The following LSAMP variants were observed in gnomAD, a reference collection of about 807,000 sequenced individuals.
LSAMP encodes the protein limbic system associated membrane protein.
In LSAMP, 7 loss-of-function variants were observed where a neutral mutation model predicts 38.6. The observed-to-expected ratio is 0.18, with a 90% CI of 0.10 to 0.34. The LOEUF (loss-of-function observed/expected upper bound fraction) is 0.34, where lower values mean the gene tolerates loss of function less well. LSAMP is among the 10% of genes least tolerant of loss of function. The pLI is 1.00. For missense variants in LSAMP, 313 were observed against 420.0 expected (o/e 0.75, Z 2.23); for synonymous variants, 154 against 166.8 (o/e 0.92, Z 0.59).
chr3:115,852,609 A>G lies in LSAMP; in HGVS notation c.523T>C (p.Phe175Leu). 1.2e-6 allele frequency: 2 copies of G among 1,611,080 alleles called. 1 individual carries two copies. Among genetic ancestry groups the G allele is most frequent in the South Asian group, 2.2e-5 (2 of 90,376 alleles). ...TCCAGATATTCTTCTTCTCCTTCAA[A>G]TTCCCTTCCTGAAAAACAGAGGTTT... Reference protein sequence around the residue: ...WRHLTPTGREFEGEEEYLEIL... With the variant: ...WRHLTPTGRELEGEEEYLEIL... Residue 175 changes from phenylalanine (F) to leucine (L), a missense_variant, in exon 4 of 7, where the codon TTT becomes CTT. Coordinates refer to ENST00000490035, the MANE Select transcript of LSAMP (RefSeq NM_002338.5).
intron 3 of LSAMP, among the ~76,000 whole-genome samples, chr3:115,988,298 G>C (rs1939571543): frequency 6.6e-6 from 1 of 152,060 alleles, no homozygotes; most frequent in African/African-American, 2.4e-5. Flanking sequence ...TTTTTACATA[G>C]TGTTTAATTT....
Position 116,224,004 on chromosome 3 carries a change from A to C in LSAMP, c.156-137448T>G, listed in dbSNP as rs188778670. ...TTTTCCCCTCAGTCTCTTTCTAATGAACTTTCTTAAAAAAAAAAACTTTCC... is the reference window on the plus strand; with the variant it reads ...TTTTCCCCTCAGTCTCTTTCTAATGCACTTTCTTAAAAAAAAAAACTTTCC... On this transcript the variant is annotated intron_variant, in intron 1 of 6. Transcript: ENST00000490035. Among the ~76,000 whole-genome samples the C allele has an allele frequency of 4.2e-3, 631 of 151,910 alleles. 5 individuals carry two copies. Among genetic ancestry groups the C allele is most frequent in the African/African-American group, 0.015 (603 of 41,274 alleles).
intron 3 of LSAMP, among the ~76,000 whole-genome samples, chr3:115,942,924 C>G (rs1412944801): frequency 6.6e-6 from 1 of 152,056 alleles, no homozygotes; most frequent in Non-Finnish European, 1.5e-5. Context: ...TTTATCAGAT[C>G]AATTTTATAA....
At position 116,011,580 on chromosome 3, in the gene LSAMP, T is replaced by A. The variant is rs532036336; in HGVS notation, c.514+7935A>T. 7.2e-5 allele frequency among the ~76,000 whole-genome samples: 11 copies of A among 151,770 alleles called. No individual in the cohort carries two copies. In the East Asian group the frequency reaches 1.9e-3, roughly 27 times the overall value. ...TAGGAAAATTAAGCAAAAAAAAAAA[T>A]TAACCTGACCATTTCCATACTTAGA... On this transcript the variant is annotated intron_variant, in intron 3 of 6. Transcript: ENST00000490035.
chr3:116,281,915 A>G (rs1387105611), intron 1 of LSAMP, among the ~76,000 whole-genome samples: 1 of 152,208 alleles, frequency 6.6e-6, no homozygotes, highest in East Asian at 1.9e-4. Context: ...GAAAACATCC[A>G]TCTTCACATT....
chr3:115,835,281 G>A (rs2107491477), intron 6 of LSAMP, among the ~76,000 whole-genome samples: 1 of 152,192 alleles, frequency 6.6e-6, no homozygotes, highest in African/African-American at 2.4e-5. Flanking sequence ...ACATCCTGTT[G>A]AGTATAATAA....
chr3:116,291,742 G>C (rs1040366684), intron 1 of LSAMP, among the ~76,000 whole-genome samples: 4 of 152,116 alleles, frequency 2.6e-5, no homozygotes, highest in African/African-American at 9.7e-5. Flanking sequence ...CATGGCTTTA[G>C]ATTGACTCTA....
chr3:116,249,601 G>T (rs1414433292), intron 1 of LSAMP, among the ~76,000 whole-genome samples: 1 of 151,672 alleles, frequency 6.6e-6, no homozygotes, highest in Non-Finnish European at 1.5e-5. Context: ...GGTCAGGCTG[G>T]TCTCAAACTC....
chr3:116,405,604 AGT>A (rs1221689448), intron 1 of LSAMP, among the ~76,000 whole-genome samples: 13 of 152,280 alleles, frequency 8.5e-5, no homozygotes, highest in Admixed American at 1.3e-4. Flanking sequence ...GCAGATGAGC[AGT>A]GTTGTGATCA....
intron 1 of LSAMP, among the ~76,000 whole-genome samples, chr3:116,423,176 G>C (rs967528401): frequency 6.6e-6 from 1 of 152,124 alleles, no homozygotes; most frequent in Admixed American, 6.5e-5. Flanking sequence ...AATTAGTTTC[G>C]TGTATCTTTA....
At chr3:116,174,319 A>T (rs892996725) in intron 1 of LSAMP, among the ~76,000 whole-genome samples, 1 of 151,802 alleles carries the variant, frequency 6.6e-6, no homozygotes, top group Admixed American at 6.6e-5. Context: ...GTATCACTTC[A>T]CCCATCTTTG....
At chr3:116,245,927 AG>A (rs2046600706) in intron 1 of LSAMP, among the ~76,000 whole-genome samples, 1 of 152,210 alleles carries the variant, frequency 6.6e-6, no homozygotes, top group Non-Finnish European at 1.5e-5. Flanking sequence ...AGCTAAAAAA[AG>A]TCCCAAAGTA....
At chr3:116,165,754 C>T (rs916508754) in intron 1 of LSAMP, among the ~76,000 whole-genome samples, 2 of 152,092 alleles carry the variant, frequency 1.3e-5, no homozygotes, top group African/African-American at 4.8e-5. Flanking sequence ...GCTGTCACTC[C>T]CCTCTTGTTC....
intron 1 of LSAMP, among the ~76,000 whole-genome samples, chr3:116,181,208 T>A (rs1710477834): frequency 6.6e-6 from 1 of 152,002 alleles, no homozygotes; most frequent in Non-Finnish European, 1.5e-5. Flanking sequence ...ATTTGAAAAA[T>A]TCATACTTCA....
intron 3 of LSAMP, among the ~76,000 whole-genome samples, chr3:115,899,954 A>G (rs1244584610): frequency 2.0e-5 from 3 of 152,174 alleles, no homozygotes; most frequent in African/African-American, 7.2e-5. Flanking sequence ...TTAAGATGTG[A>G]AGGAAAAAAG....
At chr3:116,029,084 C>T (rs1940860333) in intron 2 of LSAMP, among the ~76,000 whole-genome samples, 1 of 152,230 alleles carries the variant, frequency 6.6e-6, no homozygotes, top group East Asian at 1.9e-4. Flanking sequence ...CACAATTTTA[C>T]ATACTTTGTC....
intron 1 of LSAMP, among the ~76,000 whole-genome samples, chr3:116,263,836 A>G (rs2046861712): frequency 6.6e-6 from 1 of 152,188 alleles, no homozygotes; most frequent in African/African-American, 2.4e-5. Flanking sequence ...TTCTAAGAAT[A>G]TATGGTAGCA....
At chr3:116,231,774 A>G (rs1012829318) in intron 1 of LSAMP, among the ~76,000 whole-genome samples, 4 of 152,192 alleles carry the variant, frequency 2.6e-5, no homozygotes, top group Non-Finnish European at 5.9e-5. Context: ...AGAAAAAAGG[A>G]CACAGTTAAG....
At chr3:116,275,131 C>T (rs2047031556) in intron 1 of LSAMP, among the ~76,000 whole-genome samples, 1 of 152,116 alleles carries the variant, frequency 6.6e-6, no homozygotes, top group Admixed American at 6.5e-5. Context: ...TAGCTTACTG[C>T]AACCTTGAAT....
Sources: gnomAD v4.1 joint callset for allele counts (sites outside exome capture counted in the v4.1 genomes callset) on GRCh38, gnomAD v4.1.1 for gene constraint, MANE v1.5 for transcripts, NCBI Gene and HGNC (gene_info 2026-07-23, HGNC 2026-07-21) for gene names.